Variants in PSMA8 observed in about 807,000 individuals in gnomAD.
PSMA8 encodes proteasome subunit alpha-type 8.
A neutral mutation model predicts 32.4 loss-of-function variants in PSMA8; 18 were observed. The ratio of observed to expected loss-of-function variants is 0.56; its 90% CI spans 0.38 to 0.82. The LOEUF (loss-of-function observed/expected upper bound fraction) is 0.82, where lower values mean the gene tolerates loss of function less well. Ranked by LOEUF, PSMA8 falls within the 40% of genes least tolerant of loss-of-function variation. The pLI is 0.00. For synonymous variants in PSMA8, 104 were observed against 98.1 expected, an observed-to-expected ratio of 1.06 and a Z score of -0.36; for missense variants, 298 against 300.7, an observed-to-expected ratio of 0.99 and a Z score of 0.07.
chr18:26,163,223 A>G (rs1332475845), intron 4 of PSMA8, among the ~76,000 whole-genome samples: 742 of 27,340 alleles, frequency 0.027, 36 homozygotes, highest in East Asian at 0.26. Flanking sequence ...GTATATATAT[A>G]TATATATATA....
chr18:26,152,130 T>G (rs1288702120), intron 3 of PSMA8, 148 bp downstream of exon 3: 1 of 499,382 alleles, frequency 2.0e-6, no homozygotes, highest in Non-Finnish European at 3.2e-6. Context: ...ATATTCATAT[T>G]TTTATTCCAG....
chr18:26,171,257 A>T (rs1183070630), intron 4 of PSMA8: 17 of 1,531,600 alleles, frequency 1.1e-5, no homozygotes, highest in Non-Finnish European at 1.4e-5. Context: ...TCTGGGACAC[A>T]GCGACGATGC....
intron 4 of PSMA8, among the ~76,000 whole-genome samples, chr18:26,172,728 A>C (rs899273108): frequency 6.6e-6 from 1 of 152,134 alleles, no homozygotes; most frequent in Non-Finnish European, 1.5e-5. Flanking sequence ...CATTGCTTCC[A>C]ACTACCACCT....
chr18:26,134,340 G>GTGTGTGTGTGTGTGTGT lies in PSMA8; in HGVS notation c.102+273_102+274insTGTGTGTGTGTGTGTGT, dbSNP rs2054891597. ...GACGCAAAACTAGGGTGTGTGTGTG[G>GTGTGTGTGTGTGTGTGT]GTGTGTGTGTGTGTGTGTGTGTGTC... On this transcript the variant is annotated intron_variant, in intron 1 of 6. Transcript: ENST00000415576. 3.7e-5 allele frequency among the ~76,000 whole-genome samples: 5 copies of GTGTGTGTGTGTGTGTGT among 135,110 alleles called. 1 individual carries two copies. Among genetic ancestry groups the GTGTGTGTGTGTGTGTGT allele is most frequent in the African/African-American group, 1.7e-4 (5 of 30,056 alleles). 88.6% of individuals were successfully genotyped at this position (135,110 alleles called of 152,430 possible). A position where few individuals can be genotyped will look rare whatever the true frequency, so the allele number is the denominator to read the frequency against.
At chr18:26,141,844 C>A (rs2054960013) in intron 1 of PSMA8, among the ~76,000 whole-genome samples, 1 of 150,284 alleles carries the variant, frequency 6.7e-6, no homozygotes, top group Non-Finnish European at 1.5e-5. Flanking sequence ...ACACACCATG[C>A]TCGGCTAATT....
chr18:26,159,890 A>T (rs981991765), intron 4 of PSMA8, among the ~76,000 whole-genome samples: 3 of 151,358 alleles, frequency 2.0e-5, no homozygotes, highest in Admixed American at 2.0e-4. Context: ...GTTGAGGGAA[A>T]TATTACGCAG....
intron 6 of PSMA8, among the ~76,000 whole-genome samples, chr18:26,180,695 GACACAC>G (rs45627236): frequency 2.2e-3 from 318 of 143,448 alleles, no homozygotes; most frequent in African/African-American, 5.7e-3. Context: ...TATAAAAATA[GACACAC>G]ACACACACAC....
chr18:26,160,092 A>G (rs1328624148), intron 4 of PSMA8, among the ~76,000 whole-genome samples: 1 of 152,174 alleles, frequency 6.6e-6, no homozygotes, highest in Non-Finnish European at 1.5e-5. Flanking sequence ...ACTTGAATGC[A>G]GGAGTTCGAG....
At chr18:26,171,033 T>A in intron 4 of PSMA8, 1 of 1,557,114 alleles carries the variant, frequency 6.4e-7, no homozygotes, top group Non-Finnish European at 8.6e-7. Context: ...ATGAGCTCCT[T>A]GTGGAGGTTC....
chr18:26,166,550 A>G (rs538173040), intron 4 of PSMA8, among the ~76,000 whole-genome samples: 1 of 152,344 alleles, frequency 6.6e-6, no homozygotes, highest in South Asian at 2.1e-4. Flanking sequence ...ACATCTTTTT[A>G]ACATTCTGTG....
intron 4 of PSMA8, among the ~76,000 whole-genome samples, chr18:26,178,163 A>C (rs1410298987): frequency 6.6e-6 from 1 of 152,236 alleles, no homozygotes; most frequent in Non-Finnish European, 1.5e-5. Flanking sequence ...GGCTACAGTG[A>C]GCAGTGATCA....
chr18:26,170,857 C>A, intron 4 of PSMA8: 1 of 1,559,408 alleles, frequency 6.4e-7, no homozygotes. Flanking sequence ...GTGTCACTTT[C>A]AAAGTCTTGC....
At chr18:26,152,066 C>G (rs1034157554) in intron 3 of PSMA8, 84 bp downstream of exon 3, 1 of 1,005,234 alleles carries the variant, frequency 9.9e-7, no homozygotes, top group Non-Finnish European at 1.4e-6. Flanking sequence ...TACAGTTACT[C>G]CAACCATGTA....
chr18:26,160,610 C>T (rs2055127885), intron 4 of PSMA8, among the ~76,000 whole-genome samples: 1 of 152,164 alleles, frequency 6.6e-6, no homozygotes, highest in South Asian at 2.1e-4. Flanking sequence ...ACATACTATA[C>T]CAAGTAACCT....
intron 2 of PSMA8, among the ~76,000 whole-genome samples, chr18:26,151,401 T>G (rs2055044552): frequency 6.6e-6 from 1 of 152,240 alleles, no homozygotes; most frequent in African/African-American, 2.4e-5. Flanking sequence ...ACAGAAGTGT[T>G]GAGAATTAAT....
intron 3 of PSMA8, 126 bp downstream of exon 3, chr18:26,152,108 C>A: frequency 1.8e-6 from 1 of 571,232 alleles, no homozygotes; most frequent in Non-Finnish European, 2.6e-6. Flanking sequence ...TCTTATTTCT[C>A]ACACTTACTT....
chr18:26,187,682 C>CA (rs920555076), intron 6 of PSMA8, among the ~76,000 whole-genome samples: 6 of 151,558 alleles, frequency 4.0e-5, no homozygotes, highest in African/African-American at 1.2e-4. Flanking sequence ...TAAGAAGAGA[C>CA]AAAAAAGGTC....
rs543462440 is a variant in PSMA8, at chr18:26,193,158, G to A, written c.*747G>A. The A allele has an allele frequency of 5.9e-5, 9 of 152,032 alleles. No homozygotes were observed. The highest frequency in any genetic ancestry group is 1.7e-4 in the African/African-American group (7 of 41,484). The allele number at this position is 152,032 out of a possible 1,614,324, so 9.4% of individuals were successfully genotyped here. A position where few individuals can be genotyped will look rare whatever the true frequency, so the allele number is the denominator to read the frequency against. On this transcript the variant is annotated 3_prime_UTR_variant, in exon 7 of 7. Transcript: ENST00000415576. The stretch of plus-strand genomic sequence containing the variant: ...TATCTCAAGTATGTCCAGTGTGTTC[G>A]GTTTGTTACATATTCCATGAAATAT...
chr18:26,178,134 C>T (rs1285054867), intron 4 of PSMA8, among the ~76,000 whole-genome samples: 4 of 152,164 alleles, frequency 2.6e-5, no homozygotes, highest in African/African-American at 9.7e-5. Context: ...AGGAAGATAC[C>T]TTGAGCCCAG....
Sources: allele counts gnomAD v4.1 joint callset (sites outside exome capture counted in the v4.1 genomes callset), GRCh38; gene constraint gnomAD v4.1.1; transcripts MANE v1.5; gene names NCBI Gene and HGNC (gene_info 2026-07-23, HGNC 2026-07-21).